The following CHRD variants were observed in gnomAD, a reference collection of about 807,000 sequenced individuals.
The protein encoded by CHRD is chordin.
A neutral mutation model predicts 113.7 loss-of-function variants in CHRD; 69 were observed. That is an observed-to-expected ratio of 0.61 (90% CI 0.50 to 0.74). The LOEUF (loss-of-function observed/expected upper bound fraction) is 0.74. Ranked by LOEUF, CHRD falls within the 30% of genes least tolerant of loss-of-function variation. The probability of loss-of-function intolerance (pLI) is 0.00; values close to 1 mark genes in which losing one functional copy is unlikely to be tolerated. For synonymous variants in CHRD, 561 were observed against 540.8 expected (o/e 1.04, Z -0.52); for missense variants, 1,194 against 1,295.8 (o/e 0.92, Z 1.21).
At chr3:184,390,201 CCCCTCCCCT>C (rs1716963308), downstream of CHRD, 1 of 35,678 alleles carries the variant, frequency 2.8e-5, no homozygotes. Flanking sequence ...TCCCTCCCCT[CCCCTCCCCT>C]CCCCTCCCCT....
chr3:184,386,402 G>A (rs1716284958), intron 15 of CHRD, 90 bp from the exon 16 acceptor site: 3 of 1,495,940 alleles, frequency 2.0e-6, no homozygotes, highest in Non-Finnish European at 1.8e-6. Flanking sequence ...CGCTCAGGGG[G>A]CCGAGGTGTC....
chr3:184,388,575 C>T lies in CHRD; in HGVS notation c.2555-12C>T. On this transcript the variant is annotated splice_polypyrimidine_tract_variant and intron_variant, in intron 20 of 22. Coordinates refer to ENST00000204604, the Ensembl canonical transcript of CHRD. The surrounding 1 kb of genome is among the most constrained non-coding windows in gnomAD (Gnocchi z 6.1). ...CCTCCTGGGCTGATCCTTTCTCTTTCCCTCTCAACAGTGGGGTCGGGGGCC... is the reference window on the plus strand; with the variant it reads ...CCTCCTGGGCTGATCCTTTCTCTTTTCCTCTCAACAGTGGGGTCGGGGGCC... 6.2e-7 allele frequency: 1 copy of T among 1,604,764 alleles called. No individual in the cohort carries two copies. The highest frequency in any genetic ancestry group is 8.5e-7 in the Non-Finnish European group (1 of 1,178,894).
Position 184,384,919 on chromosome 3 carries a change from C to A in CHRD, c.1598-99C>A. 1 of 1,346,340 alleles carries A rather than the reference C, an allele frequency of 7.4e-7. No homozygotes were observed. The allele number at this position is 1,346,340 out of a possible 1,614,324, so 83.4% of individuals were successfully genotyped here. ...CCCTGGACCTATGGACAGTGTCTTC[C>A]AGCTCGTGGAATGTGTGCTGGGGAG... On this transcript the variant is annotated intron_variant, in intron 13 of 22. Coordinates refer to ENST00000204604, the Ensembl canonical transcript of CHRD. The surrounding 1 kb of genome is among the most constrained non-coding windows in gnomAD (Gnocchi z 4.4).
chr3:184,382,279 C>T (rs1715559083), intron 6 of CHRD, 110 bp from the exon 7 acceptor site: 4 of 1,538,928 alleles, frequency 2.6e-6, no homozygotes, highest in African/African-American at 2.7e-5. Flanking sequence ...TCCTAGGGCA[C>T]CCTGGAGGTT....
At chr3:184,383,281 A>G (rs1184120040) in intron 10 of CHRD, 31 bp from the exon 11 acceptor site, 1 of 1,603,640 alleles carries the variant, frequency 6.2e-7, no homozygotes, top group South Asian at 1.1e-5. Flanking sequence ...CATGGGGTAA[A>G]CCTAGCCTCA....
Position 184,380,512 on chromosome 3 carries a change from G to C in CHRD, c.148+46G>C. 1 of 1,133,008 alleles carries C rather than the reference G, an allele frequency of 8.8e-7. No homozygotes were observed. The highest frequency in any genetic ancestry group is 3.9e-5 in the South Asian group (1 of 25,768). 70.2% of individuals were successfully genotyped at this position (1,133,008 alleles called of 1,614,324 possible). On this transcript the variant is annotated intron_variant, in intron 1 of 22. Coordinates refer to ENST00000204604, the Ensembl canonical transcript of CHRD. The surrounding 1 kb of genome is among the most constrained non-coding windows in gnomAD (Gnocchi z 6.3). ...GGCGCGGGCGGGGAGTCGGGCTCGGGGCGAGTCAGCGCCAGCCCGGAGGGG... is the reference window on the plus strand; with the variant it reads ...GGCGCGGGCGGGGAGTCGGGCTCGGCGCGAGTCAGCGCCAGCCCGGAGGGG...
Position 184,381,928 on chromosome 3 carries a change from C to T in CHRD, c.612-5C>T. ...GTCCGGCCTCACCCGACCTCTCATTCCCAGGCTGGACCGCCCTACCAGGAT... is the reference window on the plus strand; with the variant it reads ...GTCCGGCCTCACCCGACCTCTCATTTCCAGGCTGGACCGCCCTACCAGGAT... On this transcript the variant is annotated splice_polypyrimidine_tract_variant and splice_region_variant and intron_variant, in intron 5 of 22. Transcript: ENST00000204604. The surrounding 1 kb of genome is among the most constrained non-coding windows in gnomAD (Gnocchi z 4.7). The T allele has an allele frequency of 6.2e-7, 1 of 1,614,104 alleles. No homozygotes were observed. The highest frequency in any genetic ancestry group is 8.5e-7 in the Non-Finnish European group (1 of 1,180,032).
intron 15 of CHRD, 121 bp from the exon 16 acceptor site, chr3:184,386,371 C>A: frequency 7.2e-7 from 1 of 1,387,566 alleles, no homozygotes; most frequent in Non-Finnish European, 9.7e-7. Flanking sequence ...GAGCGAATGG[C>A]ATCCTCCTGG....
chr3:184,383,371 G>A (rs1477043058), exon 11 of CHRD: 10 of 1,613,804 alleles, frequency 6.2e-6, no homozygotes, highest in East Asian at 2.2e-5. Flanking sequence ...GGGTGCTGCC[G>A]GCTCAGCCAG....
At position 184,388,888 on chromosome 3, in the gene CHRD, A is replaced by G; in HGVS notation, c.2710-5A>G. The G allele has an allele frequency of 6.2e-7, 1 of 1,612,554 alleles. No homozygotes were observed. The highest frequency in any genetic ancestry group is 8.5e-7 in the Non-Finnish European group (1 of 1,179,252). ...ACACTCAGTGTCTGCTCTGTCTTGT[A>G]CCAGGCAGGGGTGCCTCACTGTGAG... On this transcript the variant is annotated splice_polypyrimidine_tract_variant and splice_region_variant and intron_variant, in intron 21 of 22. Coordinates refer to ENST00000204604, the Ensembl canonical transcript of CHRD. The surrounding 1 kb of genome is among the most constrained non-coding windows in gnomAD (Gnocchi z 6.1).
In CHRD at chr3:184,384,594, G is replaced by C. The variant is rs1473960737; in HGVS notation, c.1498G>C (p.Glu500Gln). Residue 500 changes from glutamate (E) to glutamine (Q), a missense_variant, in exon 13 of 23, where the codon GAG becomes CAG. Physicochemically the swap from Glu to Gln is conservative, Grantham distance 29. Transcript: ENST00000204604. The surrounding 1 kb of genome is among the most constrained non-coding windows in gnomAD (Gnocchi z 4.4). Reference sequence around the variant, plus strand: ...AGGGGCTCATATGCTGCTGCAGAATGAGCTCTTCCTGAACGTGGGCACCAA... The same window carrying C: ...AGGGGCTCATATGCTGCTGCAGAATCAGCTCTTCCTGAACGTGGGCACCAA... The C allele has an allele frequency of 1.2e-6, 2 of 1,608,500 alleles. No homozygotes were observed. Among genetic ancestry groups the C allele is most frequent in the Non-Finnish European group, 8.5e-7 (1 of 1,177,546 alleles).
chr3:184,383,623 T>C (rs746147827), exon 12 of CHRD: 26 of 1,612,318 alleles, frequency 1.6e-5, no homozygotes, highest in Non-Finnish European at 2.0e-5. Context: ...ATGGCTGGAC[T>C]CCAGCCAGGA....
chr3:184,388,597 G>T lies in CHRD; in HGVS notation c.2565G>T (p.Gly855=). The change falls in exon 21 of 23, where the codon GGG becomes GGT. Residue 855 remains glycine (G), a synonymous_variant. Coordinates refer to ENST00000204604, the Ensembl canonical transcript of CHRD. The surrounding 1 kb of genome is among the most constrained non-coding windows in gnomAD (Gnocchi z 6.1). ...TTTCCCTCTCAACAGTGGGGTCGGG[G>T]GCCCACCCCCAGCTGGGGGACCCCA... is the stretch of plus-strand genomic sequence containing the variant. The T allele has an allele frequency of 6.2e-7, 1 of 1,610,814 alleles. No individual in the cohort carries two copies. The highest frequency in any genetic ancestry group is 8.5e-7 in the Non-Finnish European group (1 of 1,179,924).
intron 9 of CHRD, 39 bp downstream of exon 9, chr3:184,382,977 C>T (rs1465230475): frequency 4.5e-5 from 72 of 1,612,908 alleles, no homozygotes; most frequent in Non-Finnish European, 5.8e-5. Context: ...CCTGTCTTGG[C>T]CTCTTGCTAT....
In CHRD at chr3:184,381,215, C is replaced by T; in HGVS notation, c.253-20C>T. Reference sequence around the variant, plus strand: ...TGGCATCTTGCACTCACTTGGGTTTCCCGCCTTTTCCGGGAGCAGCCTCAG... The same window carrying T: ...TGGCATCTTGCACTCACTTGGGTTTTCCGCCTTTTCCGGGAGCAGCCTCAG... On this transcript the variant is annotated intron_variant, in intron 2 of 22. Transcript: ENST00000204604. This position sits in a 1 kb window ranked among gnomAD's most constrained non-coding sequence, Gnocchi z 4.7. The T allele has an allele frequency of 1.2e-6, 2 of 1,612,896 alleles. No homozygotes were observed. The highest frequency in any genetic ancestry group is 1.7e-6 in the Non-Finnish European group (2 of 1,179,934).
chr3:184,385,279 T>C (rs1339196691), intron 14 of CHRD, 41 bp downstream of exon 14: 1 of 1,506,994 alleles, frequency 6.6e-7, no homozygotes, highest in Admixed American at 1.7e-5. Flanking sequence ...AACATTTCTG[T>C]TTTTTAGCTT....
Position 184,380,554 on chromosome 3 carries a change from G to C in CHRD, c.148+88G>C, listed in dbSNP as rs1343600590. On this transcript the variant is annotated intron_variant, in intron 1 of 22. Transcript: ENST00000204604. This position sits in a 1 kb window ranked among gnomAD's most constrained non-coding sequence, Gnocchi z 6.3. ...CCGGAGGGGGCGCGGGGCGCAGGTG[G>C]CTCGGCGCGGCGGGCGGCCCGGAGG... 2 of 1,033,934 alleles carry C rather than the reference G, an allele frequency of 1.9e-6. No individual in the cohort carries two copies. The highest frequency in any genetic ancestry group is 1.2e-6 in the Non-Finnish European group (1 of 834,150). The allele number at this position is 1,033,934 out of a possible 1,614,324, so 64.0% of individuals were successfully genotyped here. A position where few individuals can be genotyped will look rare whatever the true frequency, so the allele number is the denominator to read the frequency against.
chr3:184,385,905 C>T (rs924566325), intron 14 of CHRD, 141 bp from the exon 15 acceptor site: 3 of 834,216 alleles, frequency 3.6e-6, no homozygotes, highest in Non-Finnish European at 5.9e-6. Context: ...CTTCCAAGCT[C>T]CACACTATTG....
chr3:184,387,529 A>T lies in CHRD; in HGVS notation c.2451+52A>T, dbSNP rs115960259. 2.4e-3 allele frequency: 3,632 copies of T among 1,494,708 alleles called. 82 individuals are homozygous for T. The African/African-American group carries it at 0.045, about 18-fold the overall frequency. 92.6% of individuals were successfully genotyped at this position (1,494,708 alleles called of 1,614,324 possible). Reference sequence around the variant, plus strand: ...CCATAACCCAGCGGGGTCTGCAGAGATGGGGAGGGGCTGCCAGGTGAGGAA... The same window carrying T: ...CCATAACCCAGCGGGGTCTGCAGAGTTGGGGAGGGGCTGCCAGGTGAGGAA... On this transcript the variant is annotated intron_variant, in intron 19 of 22. Coordinates refer to ENST00000204604, the Ensembl canonical transcript of CHRD. The surrounding 1 kb of genome is among the most constrained non-coding windows in gnomAD (Gnocchi z 6.1).
Sources: gnomAD v4.1 joint callset for allele counts on GRCh38, gnomAD v4.1.1 for gene constraint, Gnocchi (gnomAD v3.1) non-coding constraint, MANE v1.5 for transcripts, NCBI Gene and HGNC (gene_info 2026-07-23, HGNC 2026-07-21) for gene names.